AFF1: variants seen among roughly 807,000 people sequenced by gnomAD.
AFF1 encodes AF4/FMR2 family member 1.
AFF1 carries 48 observed loss-of-function variants against 121.7 expected under a neutral mutation model. The ratio of observed to expected loss-of-function variants is 0.39; its 90% CI spans 0.31 to 0.50. The LOEUF (loss-of-function observed/expected upper bound fraction) is 0.50. Among genes scored for constraint, AFF1 ranks in the 20% least tolerant of loss-of-function variants. The pLI is 0.76. For synonymous variants in AFF1, 613 were observed against 563.0 expected (o/e 1.09, Z -1.26); for missense variants, 1,523 against 1,511.7 (o/e 1.01, Z -0.12).
In AFF1 at chr4:87,138,993, A is replaced by G; in HGVS notation, c.*3292A>G. 1 of 224,634 alleles carries G rather than the reference A, an allele frequency of 4.5e-6. No individual in the cohort carries two copies. The allele number at this position is 224,634 out of a possible 1,614,324, so 13.9% of individuals were successfully genotyped here. On this transcript the variant is annotated 3_prime_UTR_variant, in exon 21 of 21. Transcript: ENST00000395146. ...TGGCTGAAAACTTGCCTTATTTGGT[A>G]TCTTACACATTAATGTTACTAGCAT... is the stretch of plus-strand genomic sequence containing the variant.
Position 87,043,237 on chromosome 4 carries a change from A to G in AFF1, c.39-2929A>G, listed in dbSNP as rs72877948. On this transcript the variant is annotated intron_variant, in intron 2 of 20. Coordinates refer to ENST00000395146, the MANE Select transcript of AFF1 (RefSeq NM_001166693.3). ...TAAGTGGCATATCAGAGAGGGGAGA[A>G]CTCCCTTGGTGGTGAGAATAGCCAA... Among the ~76,000 whole-genome samples the G allele has an allele frequency of 4.7e-3, 712 of 152,180 alleles. 2 individuals carry two copies. The highest frequency in any genetic ancestry group is 0.016 in the African/African-American group (666 of 41,514).
At chr4:87,097,076 C>T (rs1026293761) in intron 8 of AFF1, among the ~76,000 whole-genome samples, 1 of 152,190 alleles carries the variant, frequency 6.6e-6, no homozygotes, top group African/African-American at 2.4e-5. Flanking sequence ...GCTCTGTAAT[C>T]TCCCCAGGGT....
chr4:87,029,363 C>G (rs772445615), intron 2 of AFF1, among the ~76,000 whole-genome samples: 3 of 152,162 alleles, frequency 2.0e-5, no homozygotes, highest in Non-Finnish European at 2.9e-5. Context: ...AGAGGTTTAA[C>G]GTTATGAAGA....
intron 2 of AFF1, among the ~76,000 whole-genome samples, chr4:86,978,829 C>T (rs1393822353): frequency 2.0e-5 from 3 of 152,166 alleles, no homozygotes; most frequent in Non-Finnish European, 4.4e-5. Context: ...TATTTCTAAA[C>T]ATTTGGTTAG....
At chr4:86,966,190 C>G (rs1722528014) in intron 2 of AFF1, among the ~76,000 whole-genome samples, 2 of 151,678 alleles carry the variant, frequency 1.3e-5, no homozygotes, top group South Asian at 4.2e-4. Flanking sequence ...AATGGAGGTA[C>G]TACAGTATAT....
chr4:87,001,533 A>G (rs908723368), intron 2 of AFF1, among the ~76,000 whole-genome samples: 1 of 151,986 alleles, frequency 6.6e-6, no homozygotes, highest in African/African-American at 2.4e-5. Context: ...TTCTTTTTCA[A>G]GTGGAGAAAA....
chr4:87,109,221 T>A (rs1369417831), intron 11 of AFF1, among the ~76,000 whole-genome samples: 1 of 152,202 alleles, frequency 6.6e-6, no homozygotes, highest in Non-Finnish European at 1.5e-5. Context: ...TAAAAAGCCT[T>A]CTGTATTTGT....
Position 87,136,494 on chromosome 4 carries a change from A to C in AFF1, c.*793A>C, listed in dbSNP as rs1049476228. 4.3e-6 allele frequency: 1 copy of C among 232,526 alleles called. No homozygotes were observed. The highest frequency in any genetic ancestry group is 8.5e-6 in the Non-Finnish European group (1 of 117,760). 14.4% of individuals were successfully genotyped at this position (232,526 alleles called of 1,614,324 possible). On this transcript the variant is annotated 3_prime_UTR_variant, in exon 21 of 21. Transcript: ENST00000395146. ...CTGCACAGGAGGACTTGGCGCTGCC[A>C]TTTCCTACCCCTGCCATTTCCCACC... is the stretch of plus-strand genomic sequence containing the variant.
intron 4 of AFF1, among the ~76,000 whole-genome samples, chr4:87,057,474 C>A (rs3775229): frequency 0.14 from 21,616 of 152,106 alleles, 1,902 homozygotes; most frequent in East Asian, 0.2. Context: ...TAAAGTGGGT[C>A]TAATATACTG....
At position 87,127,556 on chromosome 4, in the gene AFF1, C is replaced by T. The variant is rs537925433; in HGVS notation, c.2904-87C>T. ...CTCTCTCCTCCCCTTGCTGTCCTCC[C>T]ATCCTTTTTCACTCTTGGTCTTATC... On this transcript the variant is annotated intron_variant, in intron 15 of 20. Coordinates refer to ENST00000395146, the MANE Select transcript of AFF1 (RefSeq NM_001166693.3). 187 of 1,250,506 alleles carry T rather than the reference C, an allele frequency of 1.5e-4. 2 individuals carry two copies. In the South Asian group the frequency reaches 2.0e-3, roughly 14 times the overall value. The allele number at this position is 1,250,506 out of a possible 1,614,324, so 77.5% of individuals were successfully genotyped here. A position where few individuals can be genotyped will look rare whatever the true frequency, so the allele number is the denominator to read the frequency against.
At chr4:86,942,565 G>T (rs977663654) in intron 1 of AFF1, among the ~76,000 whole-genome samples, 1 of 152,196 alleles carries the variant, frequency 6.6e-6, no homozygotes, top group African/African-American at 2.4e-5. Flanking sequence ...CATTTGTCCA[G>T]TCTTAGGTAA....
chr4:87,121,531 C>T (rs1208781442), intron 12 of AFF1, among the ~76,000 whole-genome samples: 1 of 152,202 alleles, frequency 6.6e-6, no homozygotes, highest in Non-Finnish European at 1.5e-5. Flanking sequence ...CTGGGGAAGC[C>T]TCTGTGGCTG....
chr4:87,007,181 C>T (rs1412394330), intron 2 of AFF1: 1 of 1,368,828 alleles, frequency 7.3e-7, no homozygotes, highest in African/African-American at 1.5e-5. Context: ...CGCAGAGGCC[C>T]CAGTGCCCGG....
intron 7 of AFF1, among the ~76,000 whole-genome samples, chr4:87,092,918 A>G (rs1724459644): frequency 6.6e-6 from 1 of 152,132 alleles, no homozygotes; most frequent in African/African-American, 2.4e-5. Flanking sequence ...AAGGCAGAAC[A>G]CCAGCTCAGC....
chr4:87,039,887 A>G (rs1197201897), intron 2 of AFF1, among the ~76,000 whole-genome samples: 1 of 151,382 alleles, frequency 6.6e-6, no homozygotes, highest in Non-Finnish European at 1.5e-5. Context: ...GAATTGTAAC[A>G]CAGTTTTTAT....
intron 7 of AFF1, among the ~76,000 whole-genome samples, chr4:87,094,101 C>T (rs572780859): frequency 6.6e-6 from 1 of 152,158 alleles, no homozygotes; most frequent in Admixed American, 6.5e-5. Flanking sequence ...AGATTCTGCA[C>T]CTCAGCCCTG....
chr4:87,066,423 A>G (rs1721354374), intron 4 of AFF1, among the ~76,000 whole-genome samples: 2 of 152,024 alleles, frequency 1.3e-5, no homozygotes, highest in Non-Finnish European at 2.9e-5. Context: ...CCATCCCTAT[A>G]AATATTTAAC....
intron 5 of AFF1, among the ~76,000 whole-genome samples, chr4:87,089,613 T>C (rs1442625131): frequency 1.3e-5 from 2 of 152,224 alleles, no homozygotes; most frequent in East Asian, 3.9e-4. Context: ...GGAGAAAGAA[T>C]GCATCGAGGA....
At chr4:86,946,516 A>AAT (rs1720876055) in intron 1 of AFF1, among the ~76,000 whole-genome samples, 2 of 129,820 alleles carry the variant, frequency 1.5e-5, no homozygotes, top group African/African-American at 5.8e-5. Flanking sequence ...CCTCTTAAGT[A>AAT]GAGTAGCTGG....
Sources: gnomAD v4.1 joint callset for allele counts (sites outside exome capture counted in the v4.1 genomes callset) on GRCh38, gnomAD v4.1.1 for gene constraint, MANE v1.5 for transcripts, NCBI Gene and HGNC (gene_info 2026-07-23, HGNC 2026-07-21) for gene names.